Variants in SIM1 observed in about 807,000 individuals in gnomAD.
SIM1 encodes SIM bHLH transcription factor 1.
Under a neutral mutation model 78.2 loss-of-function variants are expected in SIM1, and 18 were observed. The observed-to-expected ratio is 0.23, with a 90% CI of 0.16 to 0.34. The LOEUF (loss-of-function observed/expected upper bound fraction) is 0.34. Ranked by LOEUF, SIM1 falls within the 10% of genes least tolerant of loss-of-function variation. The pLI is 1.00. For missense variants in SIM1, 939 were observed against 975.1 expected (o/e 0.96, Z 0.49); for synonymous variants, 417 against 385.2 (o/e 1.08, Z -0.97).
chr6:100,447,824 C>T (rs1470777238), intron 8 of SIM1, among the ~76,000 whole-genome samples: 1 of 152,244 alleles, frequency 6.6e-6, no homozygotes, highest in Non-Finnish European at 1.5e-5. Context: ...AAGTGAGCGC[C>T]AGCCTTGGTT....
Position 100,448,678 on chromosome 6 carries a change from C to G in SIM1, c.544G>C (p.Val182Leu), listed in dbSNP as rs1465124002. ...TTCAAGTAGCCGCTGCAGTGGATGA[C>G]CTGAGGCAGAGGGATAGGGAGGGAG... The part of the protein sequence containing the change: ...NAGLTCGGYK[V>L]IHCSGYLKIR... The change falls in exon 7 of 12, where the codon GTC becomes CTC. Residue 182 changes from valine to leucine, a missense_variant and splice_region_variant. Around this residue, in one of 5 missense-constraint regions of SIM1, gnomAD observed 187 missense variants for 191.6 expected, o/e 0.98. Transcript: ENST00000369208. The G allele has an allele frequency of 1.9e-6, 3 of 1,609,308 alleles. No individual in the cohort carries two copies. Among genetic ancestry groups the G allele is most frequent in the African/African-American group, 1.3e-5 (1 of 74,900 alleles).
intron 9 of SIM1, among the ~76,000 whole-genome samples, chr6:100,423,687 C>T (rs1019683879): frequency 1.2e-4 from 18 of 152,288 alleles, no homozygotes; most frequent in African/African-American, 4.1e-4. Context: ...TTGTTTTCCC[C>T]AGTGACCACT....
intron 9 of SIM1, among the ~76,000 whole-genome samples, chr6:100,433,821 G>T (rs935888147): frequency 1.4e-5 from 2 of 144,818 alleles, no homozygotes; most frequent in Non-Finnish European, 3.0e-5. Context: ...CATTTCATGA[G>T]GGTAGGGACT....
intron 9 of SIM1, among the ~76,000 whole-genome samples, chr6:100,429,757 T>C (rs559659899): frequency 2.0e-5 from 3 of 152,334 alleles, no homozygotes; most frequent in Admixed American, 1.3e-4. Context: ...AAAACACTAA[T>C]TGAGGGAAAT....
At chr6:100,455,930 G>A (rs1223965843) in intron 2 of SIM1, among the ~76,000 whole-genome samples, 1 of 152,166 alleles carries the variant, frequency 6.6e-6, no homozygotes, top group African/African-American at 2.4e-5. Context: ...GCCATTTGTT[G>A]TTTCGGGTTT....
intron 10 of SIM1, among the ~76,000 whole-genome samples, chr6:100,400,005 TAAAAC>T (rs1168061251): frequency 2.6e-5 from 4 of 151,742 alleles, no homozygotes; most frequent in Non-Finnish European, 5.9e-5. Flanking sequence ...AAGCATTAAA[TAAAAC>T]AAAACAAAAG....
intron 10 of SIM1, among the ~76,000 whole-genome samples, chr6:100,408,592 T>C (rs1328509112): frequency 2.6e-5 from 4 of 152,200 alleles, no homozygotes; most frequent in African/African-American, 7.2e-5. Flanking sequence ...ATTTATTCTA[T>C]ACTAATTTGT....
intron 10 of SIM1, among the ~76,000 whole-genome samples, chr6:100,420,441 T>A (rs899986190): frequency 1.3e-5 from 2 of 152,202 alleles, no homozygotes; most frequent in African/African-American, 4.8e-5. Context: ...TTTTTCTACA[T>A]CGAGCTCTTG....
chr6:100,446,800 C>G (rs1772367544), intron 9 of SIM1, among the ~76,000 whole-genome samples: 1 of 152,168 alleles, frequency 6.6e-6, no homozygotes, highest in Admixed American at 6.5e-5. Flanking sequence ...CTTTGTGGTT[C>G]AGGGGGGAAG....
intron 10 of SIM1, chr6:100,396,053 A>G: frequency 3.1e-6 from 3 of 980,342 alleles, no homozygotes; most frequent in Non-Finnish European, 3.6e-6. Flanking sequence ...GGGGCTCGGT[A>G]CCTACATCAT....
chr6:100,404,341 C>G (rs1016566435), intron 10 of SIM1, among the ~76,000 whole-genome samples: 4 of 152,134 alleles, frequency 2.6e-5, no homozygotes, highest in Non-Finnish European at 5.9e-5. Flanking sequence ...TCTGGCAGCT[C>G]ATTGAGGTTT....
At chr6:100,459,126 T>C (rs993688931) in intron 2 of SIM1, among the ~76,000 whole-genome samples, 3 of 152,226 alleles carry the variant, frequency 2.0e-5, no homozygotes, top group African/African-American at 7.2e-5. Context: ...GAAATTAGAT[T>C]TGTTCTTTAG....
chr6:100,394,477 C>T (rs1004253365), intron 10 of SIM1, among the ~76,000 whole-genome samples: 2 of 152,166 alleles, frequency 1.3e-5, no homozygotes, highest in South Asian at 4.1e-4. Flanking sequence ...GTGATCATGG[C>T]TCACTGCAGC....
At chr6:100,441,426 A>T (rs1484246047) in intron 9 of SIM1, among the ~76,000 whole-genome samples, 5 of 152,096 alleles carry the variant, frequency 3.3e-5, no homozygotes, top group African/African-American at 4.8e-5. Flanking sequence ...TCCCATCCCC[A>T]TGGGGATGTA....
intron 8 of SIM1, 116 bp downstream of exon 8, chr6:100,448,030 C>A: frequency 2.6e-6 from 2 of 782,292 alleles, no homozygotes; most frequent in Non-Finnish European, 4.1e-6. Flanking sequence ...CCACCACCAC[C>A]CGGCTCCCTG....
At chr6:100,436,319 T>G (rs1479144168) in intron 9 of SIM1, among the ~76,000 whole-genome samples, 1 of 152,184 alleles carries the variant, frequency 6.6e-6, no homozygotes, top group Non-Finnish European at 1.5e-5. Flanking sequence ...CTGTGCACAG[T>G]GCTTGGCACA....
chr6:100,447,544 G>A, intron 8 of SIM1, 129 bp from the exon 9 acceptor site: 1 of 1,027,466 alleles, frequency 9.7e-7, no homozygotes, highest in Admixed American at 2.5e-5. Context: ...AGGAGAGAGA[G>A]AGAGACGACA....
intron 9 of SIM1, among the ~76,000 whole-genome samples, chr6:100,441,062 C>T (rs1772201768): frequency 6.6e-6 from 1 of 152,158 alleles, no homozygotes; most frequent in Admixed American, 6.5e-5. Context: ...AGATCAAAAC[C>T]CTTTTTTCCC....
intron 10 of SIM1, among the ~76,000 whole-genome samples, chr6:100,414,832 C>A (rs1023202238): frequency 6.6e-6 from 1 of 152,086 alleles, no homozygotes; most frequent in Non-Finnish European, 1.5e-5. Context: ...ATTTTTGAGA[C>A]CAGAGAAAAC....
Sources: gnomAD v4.1 joint callset for allele counts (sites outside exome capture counted in the v4.1 genomes callset) on GRCh38, gnomAD v4.1.1 for gene constraint, gnomAD v4.1.1 regional missense constraint, MANE v1.5 for transcripts, NCBI Gene and HGNC (gene_info 2026-07-23, HGNC 2026-07-21) for gene names.